PAX3: variants seen among roughly 807,000 people sequenced by gnomAD.
PAX3 encodes paired box 3.
Under a neutral mutation model 51.6 loss-of-function variants are expected in PAX3, and 14 were observed. That is an observed-to-expected ratio of 0.27 (90% CI 0.18 to 0.42). PAX3 has a LOEUF of 0.42. Among genes scored for constraint, PAX3 ranks in the 10% least tolerant of loss-of-function variants. PAX3 has a pLI of 1.00. For missense variants in PAX3, 540 were observed against 642.8 expected (o/e 0.84, Z 1.73); for synonymous variants, 280 against 253.4 (o/e 1.11, Z -1.00).
At chr2:222,250,625 T>C (rs1693393338) in intron 4 of PAX3, among the ~76,000 whole-genome samples, 1 of 152,100 alleles carries the variant, frequency 6.6e-6, no homozygotes, top group Non-Finnish European at 1.5e-5. Flanking sequence ...AAAAGAATGT[T>C]TTTGGTTAGA....
chr2:222,282,989 T>C (rs539421068), intron 4 of PAX3, among the ~76,000 whole-genome samples: 1 of 152,364 alleles, frequency 6.6e-6, no homozygotes, highest in African/African-American at 2.4e-5. Context: ...TCCTGCACCA[T>C]GATTTCTAAG....
intron 4 of PAX3, among the ~76,000 whole-genome samples, chr2:222,250,088 G>C (rs946203555): frequency 1.3e-5 from 2 of 152,090 alleles, no homozygotes; most frequent in African/African-American, 2.4e-5. Flanking sequence ...GAAATGTCTT[G>C]AGAACCTGGA....
intron 7 of PAX3, among the ~76,000 whole-genome samples, chr2:222,215,345 C>T (rs1396100220): frequency 6.6e-6 from 1 of 152,064 alleles, no homozygotes; most frequent in Non-Finnish European, 1.5e-5. Context: ...TTGATGAACC[C>T]TAAATGCAGC....
At chr2:222,241,062 T>A (rs1243817003) in intron 4 of PAX3, among the ~76,000 whole-genome samples, 1 of 152,156 alleles carries the variant, frequency 6.6e-6, no homozygotes, top group African/African-American at 2.4e-5. Flanking sequence ...TCAGTCATAA[T>A]TAAAATTAAG....
chr2:222,282,762 T>C (rs112541221), intron 4 of PAX3, among the ~76,000 whole-genome samples: 83 of 152,288 alleles, frequency 5.5e-4, no homozygotes, highest in Non-Finnish European at 9.1e-4. Context: ...GTAGAATTTT[T>C]AAAAAGGAAC....
chr2:222,293,753 C>T lies in PAX3; in HGVS notation c.586+414G>A, dbSNP rs563865416. On this transcript the variant is annotated intron_variant, in intron 4 of 8. Coordinates refer to ENST00000392070, the MANE Select transcript of PAX3 (RefSeq NM_181458.4). ...GCGAGGAAACTCCGGAGACCAGGGC[C>T]TTTCCTGAGGGCATAAAAGCTACTT... 3 of 1,614,156 alleles carry T rather than the reference C, an allele frequency of 1.9e-6. No homozygotes were observed. In the African/African-American group the frequency reaches 4.0e-5, roughly 22 times the overall value.
At chr2:222,214,853 C>G (rs1691888587) in intron 7 of PAX3, 2 of 151,878 alleles carry the variant, frequency 1.3e-5, no homozygotes, top group South Asian at 4.2e-4. Context: ...TAGTTCTTAC[C>G]ATGGGGATTT....
intron 4 of PAX3, among the ~76,000 whole-genome samples, chr2:222,233,388 T>C (rs1692682643): frequency 6.6e-6 from 1 of 152,104 alleles, no homozygotes; most frequent in Non-Finnish European, 1.5e-5. Flanking sequence ...TACAAAATGG[T>C]TAGTACTCCT....
intron 4 of PAX3, among the ~76,000 whole-genome samples, chr2:222,261,689 G>T (rs1413291284): frequency 6.6e-6 from 1 of 151,736 alleles, no homozygotes; most frequent in Non-Finnish European, 1.5e-5. Context: ...AGTTTTTAAT[G>T]CATGAGTCAG....
At position 222,220,266 on chromosome 2, in the gene PAX3, G is replaced by A. The variant is rs149804699; in HGVS notation, c.1047C>T (p.Asp349=). ...VHQSTIPSNP[D]SSSAYCLPST... Reference sequence around the variant, plus strand: ...TGGGGAGGCAGTAGGCAGAGCTGCTGTCTGGGTTGGAAGGAATCGTGCTTT... The same window carrying A: ...TGGGGAGGCAGTAGGCAGAGCTGCTATCTGGGTTGGAAGGAATCGTGCTTT... Residue 349 remains aspartate (D), a synonymous_variant, in exon 7 of 9, where the codon GAC becomes GAT. Coordinates refer to ENST00000392070, the MANE Select transcript of PAX3 (RefSeq NM_181458.4). 6.2e-7 allele frequency: 1 copy of A among 1,614,102 alleles called. No homozygotes were observed. The highest frequency in any genetic ancestry group is 2.2e-5 in the East Asian group (1 of 44,852).
rs193202981 is a variant in PAX3, at chr2:222,259,162, G to A, written c.587-26879C>T. The stretch of plus-strand genomic sequence containing the variant: ...CTACTTTCCAAGAGTGGTTTCTTGC[G>A]AAAGGAAAAACCTACTTTTACTACC... On this transcript the variant is annotated intron_variant, in intron 4 of 8. Coordinates refer to ENST00000392070, the MANE Select transcript of PAX3 (RefSeq NM_181458.4). Among the ~76,000 whole-genome samples, 374 of 152,138 alleles carry A rather than the reference G, an allele frequency of 2.5e-3. 1 individual carries two copies. The highest frequency in any genetic ancestry group is 4.2e-3 in the Non-Finnish European group (289 of 68,010).
chr2:222,279,304 C>CGTGTGTGTGTGTGTGTGTGTGT (rs57076966), intron 4 of PAX3, among the ~76,000 whole-genome samples: 3 of 148,034 alleles, frequency 2.0e-5, no homozygotes, highest in African/African-American at 7.5e-5. Flanking sequence ...CAAGCCTGTG[C>CGTGTGTGTGTGTGTGTGTGTGT]GTGTGTGTGT....
At chr2:222,295,074 G>A (rs1024666261) in intron 3 of PAX3, among the ~76,000 whole-genome samples, 34 of 151,740 alleles carry the variant, frequency 2.2e-4, no homozygotes, top group African/African-American at 8.2e-4. Context: ...CTGCCGTGGC[G>A]GGGGGCTCCG....
intron 5 of PAX3, among the ~76,000 whole-genome samples, chr2:222,223,131 C>T (rs1030908762): frequency 1.3e-5 from 2 of 152,118 alleles, no homozygotes; most frequent in African/African-American, 4.8e-5. Context: ...GGAGAAGAAG[C>T]TCAATTTAAT....
intron 5 of PAX3, among the ~76,000 whole-genome samples, chr2:222,226,280 C>T (rs1692382124): frequency 6.6e-6 from 1 of 152,178 alleles, no homozygotes; most frequent in Non-Finnish European, 1.5e-5. Context: ...GCAAGCTGCT[C>T]ATTTCCCTGG....
chr2:222,231,876 T>C (rs1262112361), intron 5 of PAX3, among the ~76,000 whole-genome samples: 1 of 152,256 alleles, frequency 6.6e-6, no homozygotes, highest in African/African-American at 2.4e-5. Context: ...GTTAGTCACA[T>C]GAAGTGGTGG....
At chr2:222,290,950 G>A (rs945724958) in intron 4 of PAX3, among the ~76,000 whole-genome samples, 6 of 151,928 alleles carry the variant, frequency 3.9e-5, no homozygotes, top group Admixed American at 6.6e-5. Context: ...GGAGAAGAAG[G>A]GGGGAGGCGG....
At chr2:222,261,189 A>G (rs1212861310) in intron 4 of PAX3, among the ~76,000 whole-genome samples, 1 of 152,220 alleles carries the variant, frequency 6.6e-6, no homozygotes, top group Middle Eastern at 3.2e-3. Flanking sequence ...CAGAGCTGCC[A>G]TGCACGCAGT....
intron 4 of PAX3, among the ~76,000 whole-genome samples, chr2:222,291,129 G>A (rs1294676960): frequency 6.6e-6 from 1 of 152,202 alleles, no homozygotes; most frequent in African/African-American, 2.4e-5. Context: ...CGGCGCCCGC[G>A]GGCCCGCTAG....
Sources: allele counts gnomAD v4.1 joint callset (sites outside exome capture counted in the v4.1 genomes callset), GRCh38; gene constraint gnomAD v4.1.1; transcripts MANE v1.5; gene names NCBI Gene and HGNC (gene_info 2026-07-23, HGNC 2026-07-21).